The following MCC variants were observed in gnomAD, a reference collection of about 807,000 sequenced individuals.
MCC encodes colorectal mutant cancer protein.
Under a neutral mutation model 116.2 loss-of-function variants are expected in MCC, and 90 were observed. The observed-to-expected ratio is 0.77, with a 90% confidence interval of 0.65 to 0.92. MCC has a LOEUF of 0.92. Among genes scored for constraint, MCC ranks in the 40% least tolerant of loss-of-function variants. The pLI is 0.00. For missense variants in MCC, 1,516 were observed against 1,312.2 expected (o/e 1.16, Z -2.40); for synonymous variants, 578 against 510.5 (o/e 1.13, Z -1.78).
chr5:113,075,230 C>T lies in MCC; in HGVS notation c.1785-3996G>A, dbSNP rs372413337. On this transcript the variant is annotated intron_variant, in intron 11 of 18. Coordinates refer to ENST00000408903, the MANE Select transcript of MCC (RefSeq NM_001085377.2). ...GGTACCACAGCACTTCCGGCCCGCTCGCGCCACGCTCGAATTCTCACTGGG... is the reference window on the plus strand; with the variant it reads ...GGTACCACAGCACTTCCGGCCCGCTTGCGCCACGCTCGAATTCTCACTGGG... Among the ~76,000 whole-genome samples, 20 of 152,334 alleles carry T rather than the reference C, an allele frequency of 1.3e-4. 1 individual carries two copies. The highest frequency in any genetic ancestry group is 2.4e-4 in the African/African-American group (10 of 41,582).
At chr5:113,209,730 C>A (rs542304866) in intron 3 of MCC, among the ~76,000 whole-genome samples, 2 of 152,282 alleles carry the variant, frequency 1.3e-5, no homozygotes, top group South Asian at 4.1e-4. Flanking sequence ...GGGTCAGGAG[C>A]CTTCCATGGC....
chr5:113,206,478 G>A (rs1001986449), intron 3 of MCC, among the ~76,000 whole-genome samples: 1 of 152,164 alleles, frequency 6.6e-6, no homozygotes, highest in African/African-American at 2.4e-5. Context: ...ACTTTGGGAG[G>A]CTGAGGCAGG....
intron 2 of MCC, among the ~76,000 whole-genome samples, chr5:113,378,577 C>G (rs1195108870): frequency 3.3e-5 from 5 of 152,136 alleles, no homozygotes; most frequent in Non-Finnish European, 5.9e-5. Context: ...TCTCTGAGAC[C>G]TGACCAAAGG....
chr5:113,101,830 G>C lies in MCC; in HGVS notation c.1307C>G (p.Thr436Ser), dbSNP rs1334920877. The C allele has an allele frequency of 1.2e-6, 2 of 1,613,594 alleles. No individual in the cohort carries two copies. Among genetic ancestry groups the C allele is most frequent in the South Asian group, 2.2e-5 (2 of 91,076 alleles). ...TTCCTCTTTGCTGCACAGCATGGCA[G>C]TCAGGCTCTCATTCTCTTCCCTCAG... ...AGLREENESL[T>S]AMLCSKEEEL... Residue 436 changes from threonine to serine, a missense_variant, in exon 8 of 19, where the codon ACT (threonine) becomes AGT (serine). Transcript: ENST00000408903.
At chr5:113,308,124 C>T (rs1561518052) in intron 3 of MCC, among the ~76,000 whole-genome samples, 1 of 152,158 alleles carries the variant, frequency 6.6e-6, no homozygotes, top group Non-Finnish European at 1.5e-5. Context: ...AGACGTGCAC[C>T]ACCATGCCTA....
rs533323547 is a variant in MCC, at chr5:113,485,047, C to A, written c.170+3198G>T. 2.0e-5 allele frequency among the ~76,000 whole-genome samples: 3 copies of A among 152,216 alleles called. No homozygotes were observed. In the East Asian group the frequency reaches 5.8e-4, roughly 29 times the overall value. On this transcript the variant is annotated intron_variant, in intron 1 of 18. Transcript: ENST00000408903. Reference sequence around the variant, plus strand: ...TATTGATGGGGATGATTCTGGGTCCCTTTTATAGGCTAAAGTTCCTTGGCA... The same window carrying A: ...TATTGATGGGGATGATTCTGGGTCCATTTTATAGGCTAAAGTTCCTTGGCA...
chr5:113,448,847 C>G (rs1469224819), intron 1 of MCC, among the ~76,000 whole-genome samples: 3 of 152,138 alleles, frequency 2.0e-5, no homozygotes, highest in African/African-American at 7.2e-5. Flanking sequence ...CAGGACAGCT[C>G]CACAAATAGA....
intron 3 of MCC, among the ~76,000 whole-genome samples, chr5:113,191,805 GC>G (rs1464358888): frequency 6.6e-6 from 1 of 152,180 alleles, no homozygotes; most frequent in African/African-American, 2.4e-5. Flanking sequence ...CCCCATGAAG[GC>G]CAAAGGCTTT....
intron 3 of MCC, among the ~76,000 whole-genome samples, chr5:113,289,459 G>A (rs1436267086): frequency 6.6e-5 from 10 of 152,108 alleles, no homozygotes; most frequent in Admixed American, 6.5e-4. Context: ...TTGGAGAGGT[G>A]TTTTCTACTT....
At chr5:113,278,418 C>T (rs1323489995) in intron 3 of MCC, among the ~76,000 whole-genome samples, 1 of 152,184 alleles carries the variant, frequency 6.6e-6, no homozygotes. Context: ...ATACCAAGTC[C>T]TCAGGCCTTT....
intron 1 of MCC, among the ~76,000 whole-genome samples, chr5:113,405,739 C>A (rs756111020): frequency 2.6e-5 from 4 of 151,492 alleles, no homozygotes; most frequent in Non-Finnish European, 5.9e-5. Flanking sequence ...CTCAGGAATG[C>A]GAGCCTGCAG....
At chr5:113,048,887 T>C (rs1194331094) in intron 16 of MCC, 1 of 598,100 alleles carries the variant, frequency 1.7e-6, no homozygotes, top group East Asian at 2.8e-5. Flanking sequence ...AACTATTACA[T>C]AAAGTGAGAT....
chr5:113,441,468 C>T (rs1017074985), intron 1 of MCC, among the ~76,000 whole-genome samples: 1 of 152,164 alleles, frequency 6.6e-6, no homozygotes. Context: ...CTAAGGGCCG[C>T]ATGTGGTCTC....
intron 1 of MCC, among the ~76,000 whole-genome samples, chr5:113,473,089 A>G (rs1176568034): frequency 6.6e-6 from 1 of 152,160 alleles, no homozygotes; most frequent in East Asian, 1.9e-4. Context: ...AAGTTCCTTT[A>G]TTTTTATTAT....
At chr5:113,352,991 A>G (rs1581421109) in intron 2 of MCC, among the ~76,000 whole-genome samples, 1 of 152,214 alleles carries the variant, frequency 6.6e-6, no homozygotes, top group Non-Finnish European at 1.5e-5. Context: ...CTCTTGTAAC[A>G]TGGCTTTTCA....
At chr5:113,211,405 T>C (rs1218388001) in intron 3 of MCC, among the ~76,000 whole-genome samples, 3 of 152,332 alleles carry the variant, frequency 2.0e-5, no homozygotes, top group South Asian at 4.1e-4. Flanking sequence ...CTAAGACATG[T>C]AGCATTGGAC....
At chr5:113,425,759 G>A (rs975220948) in intron 1 of MCC, among the ~76,000 whole-genome samples, 3 of 152,058 alleles carry the variant, frequency 2.0e-5, no homozygotes, top group African/African-American at 7.2e-5. Context: ...CCTAGGGTAG[G>A]TGGACAGACG....
rs546503913 is a variant in MCC, at chr5:113,091,716, TACA to T, written c.1399-6409_1399-6407del. On this transcript the variant is annotated intron_variant, in intron 8 of 18. Coordinates refer to ENST00000408903, the MANE Select transcript of MCC (RefSeq NM_001085377.2). Reference sequence around the variant, plus strand: ...GGGCAATAGCGCAAGACCCTGTCTCTACAACAACAACAACAACGAATCAGCCAG... The same window carrying T: ...GGGCAATAGCGCAAGACCCTGTCTCTACAACAACAACAACGAATCAGCCAG... 9.9e-5 allele frequency among the ~76,000 whole-genome samples: 15 copies of T among 152,040 alleles called. No individual in the cohort carries two copies. In the East Asian group the frequency reaches 1.9e-3, roughly 20 times the overall value.
intron 3 of MCC, among the ~76,000 whole-genome samples, chr5:113,158,675 C>T (rs756821108): frequency 1.1e-4 from 17 of 152,100 alleles, no homozygotes; most frequent in Non-Finnish European, 2.1e-4. Flanking sequence ...TTCTGGCAAA[C>T]GAGGAAACCA....
Sources: allele counts gnomAD v4.1 joint callset (sites outside exome capture counted in the v4.1 genomes callset), GRCh38; gene constraint gnomAD v4.1.1; transcripts MANE v1.5; gene names NCBI Gene and HGNC (gene_info 2026-07-23, HGNC 2026-07-21).